The following CACNB2 variants were observed in gnomAD, a reference collection of about 807,000 sequenced individuals.
The protein encoded by CACNB2 is voltage-dependent L-type calcium channel subunit beta-2.
Under a neutral mutation model 73.3 loss-of-function variants are expected in CACNB2, and 42 were observed. The ratio of observed to expected loss-of-function variants is 0.57; its 90% CI spans 0.45 to 0.74. The LOEUF is 0.74. Among genes scored for constraint, CACNB2 ranks in the 30% least tolerant of loss-of-function variants. The probability of loss-of-function intolerance (pLI) is 0.00; values close to 1 mark genes in which losing one functional copy is unlikely to be tolerated. For synonymous variants in CACNB2, 348 were observed against 310.3 expected, an observed-to-expected ratio of 1.12 and a Z score of -1.28; for missense variants, 940 against 853.0, an observed-to-expected ratio of 1.10 and a Z score of -1.27.
intron 3 of CACNB2, among the ~76,000 whole-genome samples, chr10:18,418,710 A>G (rs1309702377): frequency 1.3e-5 from 2 of 152,074 alleles, no homozygotes; most frequent in Non-Finnish European, 2.9e-5. Flanking sequence ...TCTGTATGTC[A>G]CTTCCCTTTT....
chr10:18,165,122 C>G (rs918015227), intron 2 of CACNB2, among the ~76,000 whole-genome samples: 1 of 152,008 alleles, frequency 6.6e-6, no homozygotes, highest in African/African-American at 2.4e-5. Context: ...CACGGGGAGG[C>G]GACTGATTAA....
intron 2 of CACNB2, among the ~76,000 whole-genome samples, chr10:18,259,472 A>G (rs1206744458): frequency 1.3e-5 from 2 of 150,124 alleles, no homozygotes; most frequent in African/African-American, 4.9e-5. Flanking sequence ...TGGGAGGCCA[A>G]GCTTGGCAGA....
At chr10:18,215,293 A>AGGG (rs2035469527) in intron 2 of CACNB2, among the ~76,000 whole-genome samples, 1 of 152,084 alleles carries the variant, frequency 6.6e-6, no homozygotes, top group African/African-American at 2.4e-5. Flanking sequence ...CATCTAAGTG[A>AGGG]GGGGGCCTGG....
At chr10:18,381,877 C>G (rs2043034221) in intron 2 of CACNB2, among the ~76,000 whole-genome samples, 1 of 151,890 alleles carries the variant, frequency 6.6e-6, no homozygotes, top group Non-Finnish European at 1.5e-5. Flanking sequence ...ACCCAGAGCA[C>G]CAAAACCCTG....
chr10:18,144,360 G>A (rs961438907), intron 1 of CACNB2, among the ~76,000 whole-genome samples: 15 of 152,356 alleles, frequency 9.8e-5, no homozygotes, highest in Admixed American at 3.9e-4. Context: ...GATTACAGGC[G>A]TGCGCCACCA....
intron 6 of CACNB2, among the ~76,000 whole-genome samples, chr10:18,509,260 C>A (rs1047934182): frequency 6.6e-6 from 1 of 152,206 alleles, no homozygotes; most frequent in Non-Finnish European, 1.5e-5. Context: ...TCATTTTCAT[C>A]GTTTCCAAAG....
intron 2 of CACNB2, among the ~76,000 whole-genome samples, chr10:18,336,388 G>A (rs1447480068): frequency 6.6e-6 from 1 of 152,182 alleles, no homozygotes; most frequent in Admixed American, 6.5e-5. Context: ...GGAGGCCAAG[G>A]TGGGTGGATC....
rs531878678 is a variant in CACNB2 at position 18,324,865 on chromosome 10, AAAC to A, written c.214-77047_214-77045del. ...AGCAACAGAGCGTGACTCCATGTCAAAACAACAACAACAAAAACCTTACATGTG... is the reference window on the plus strand; with the variant it reads ...AGCAACAGAGCGTGACTCCATGTCAAAACAACAACAAAAACCTTACATGTG... On this transcript the variant is annotated intron_variant, in intron 2 of 13. Transcript: ENST00000324631. 3.1e-3 allele frequency among the ~76,000 whole-genome samples: 479 copies of A among 152,362 alleles called. 3 individuals are homozygous for A. Among genetic ancestry groups the A allele is most frequent in the Non-Finnish European group, 5.7e-3 (389 of 68,032 alleles).
intron 2 of CACNB2, among the ~76,000 whole-genome samples, chr10:18,199,545 T>C (rs2034782015): frequency 6.6e-6 from 1 of 151,926 alleles, no homozygotes; most frequent in Non-Finnish European, 1.5e-5. Flanking sequence ...AAGGCTAGCA[T>C]GGTTGGAGTG....
At chr10:18,293,344 A>G (rs2039144988) in intron 2 of CACNB2, among the ~76,000 whole-genome samples, 1 of 152,162 alleles carries the variant, frequency 6.6e-6, no homozygotes, top group Non-Finnish European at 1.5e-5. Flanking sequence ...CCCTCCTTAT[A>G]CGGATGGGTC....
chr10:18,395,334 A>G (rs2043665155), intron 2 of CACNB2, among the ~76,000 whole-genome samples: 1 of 152,082 alleles, frequency 6.6e-6, no homozygotes, highest in African/African-American at 2.4e-5. Context: ...GCTTAGTGTC[A>G]TTGCAGACTG....
At position 18,270,511 on chromosome 10, in the gene CACNB2, C is replaced by T. The variant is rs1047147469; in HGVS notation, c.213+119536C>T. Among the ~76,000 whole-genome samples, 10 of 152,248 alleles carry T rather than the reference C, an allele frequency of 6.6e-5. No homozygotes were observed. In the South Asian group the frequency reaches 2.1e-3, roughly 32 times the overall value. On this transcript the variant is annotated intron_variant, in intron 2 of 13. Coordinates refer to ENST00000324631, the MANE Select transcript of CACNB2 (RefSeq NM_201596.3). ...CTCTGCTTAAAGCCCCCAGTTGGTT[C>T]CCATTTTCTGAGAATATGAGTGCAA...
intron 2 of CACNB2, among the ~76,000 whole-genome samples, chr10:18,296,350 TACTC>T (rs1478576035): frequency 4.6e-5 from 7 of 152,178 alleles, no homozygotes; most frequent in African/African-American, 1.7e-4. Flanking sequence ...TTTTCAACTT[TACTC>T]ACACTTGACA....
chr10:18,195,252 G>A (rs1480649252), intron 2 of CACNB2, among the ~76,000 whole-genome samples: 3 of 152,186 alleles, frequency 2.0e-5, no homozygotes, highest in Admixed American at 1.3e-4. Flanking sequence ...ACATGCCACA[G>A]GAGAAGTTCC....
intron 3 of CACNB2, among the ~76,000 whole-genome samples, chr10:18,426,658 G>T (rs780491281): frequency 2.0e-5 from 3 of 152,056 alleles, no homozygotes; most frequent in African/African-American, 4.8e-5. Flanking sequence ...TGGGCAACCT[G>T]GCGAGAATGT....
chr10:18,485,982 A>T lies in CACNB2; in HGVS notation c.334-12373A>T, dbSNP rs145716561. Among the ~76,000 whole-genome samples, 878 of 151,018 alleles carry T rather than the reference A, an allele frequency of 5.8e-3. 8 individuals are homozygous for T. Among genetic ancestry groups the T allele is most frequent in the African/African-American group, 0.02 (833 of 41,018 alleles). ...AGTAGTTAATATTTAAGACAAATCC[A>T]TTATAGACATTAAAACAAACTATGA... On this transcript the variant is annotated intron_variant, in intron 3 of 13. Coordinates refer to ENST00000324631, the MANE Select transcript of CACNB2 (RefSeq NM_201596.3).
At chr10:18,469,883 G>C (rs573487166) in intron 3 of CACNB2, among the ~76,000 whole-genome samples, 2 of 152,152 alleles carry the variant, frequency 1.3e-5, no homozygotes, top group East Asian at 3.9e-4. Flanking sequence ...ATTTATACAT[G>C]TTTATGTACA....
intron 2 of CACNB2, among the ~76,000 whole-genome samples, chr10:18,373,505 G>T (rs915740335): frequency 4.6e-5 from 7 of 152,270 alleles, no homozygotes; most frequent in Admixed American, 4.6e-4. Flanking sequence ...TACAGATGAG[G>T]AATTCGAGGC....
Position 18,452,758 on chromosome 10 carries a change from T to C in CACNB2, c.334-45597T>C, listed in dbSNP as rs570887928. Among the ~76,000 whole-genome samples, 9 of 152,328 alleles carry C rather than the reference T, an allele frequency of 5.9e-5. No individual in the cohort carries two copies. In the Middle Eastern group the frequency reaches 0.01, roughly 173 times the overall value. ...TCTCTACCTAGGATGATTTCTATAT[T>C]TTTGTTCACCAAAAAAGGTTCTCTG... On this transcript the variant is annotated intron_variant, in intron 3 of 13. Transcript: ENST00000324631.
Sources: gnomAD v4.1 joint callset for allele counts (sites outside exome capture counted in the v4.1 genomes callset) on GRCh38, gnomAD v4.1.1 for gene constraint, MANE v1.5 for transcripts, NCBI Gene and HGNC (gene_info 2026-07-23, HGNC 2026-07-21) for gene names.